PGS1: variants seen among roughly 807,000 people sequenced by gnomAD.
The protein encoded by PGS1 is phosphatidylglycerophosphate synthase 1.
A neutral mutation model predicts 58.3 loss-of-function variants in PGS1; 44 were observed. The observed-to-expected ratio is 0.75, with a 90% CI of 0.59 to 0.97. PGS1 has a LOEUF of 0.97. PGS1 is among the 50% of genes least tolerant of loss of function. The pLI is 0.00. For synonymous variants in PGS1, 330 were observed against 311.0 expected (o/e 1.06, Z -0.64); for missense variants, 684 against 731.1 (o/e 0.94, Z 0.74).
Position 78,411,902 on chromosome 17 carries a change from C to CATT in PGS1, c.1403-2977_1403-2976insATT, listed in dbSNP as rs2084739777. On this transcript the variant is annotated intron_variant, in intron 7 of 9. Coordinates refer to ENST00000262764, the MANE Select transcript of PGS1 (RefSeq NM_024419.5). Reference sequence around the variant, plus strand: ...ATGAAACAGAACTAAAGGGCTCCTGCTTTTTTTTTTTTTTTTTTTTTTTTT... The same window carrying CATT: ...ATGAAACAGAACTAAAGGGCTCCTGCATTTTTTTTTTTTTTTTTTTTTTTTTTT... 5.2e-5 allele frequency among the ~76,000 whole-genome samples: 3 copies of CATT among 57,986 alleles called. No homozygotes were observed. The Admixed American group carries it at 9.0e-4, about 17-fold the overall frequency. The allele number at this position is 57,986 out of a possible 152,430, so 38.0% of individuals were successfully genotyped here.
At chr17:78,396,834 G>A (rs541105721) in intron 3 of PGS1, among the ~76,000 whole-genome samples, 3 of 152,220 alleles carry the variant, frequency 2.0e-5, no homozygotes, top group South Asian at 4.1e-4. Flanking sequence ...ACTTTTGTTG[G>A]AACACAGCCA....
In PGS1 at chr17:78,400,624, C is replaced by G; in HGVS notation, c.702-53C>G. On this transcript the variant is annotated intron_variant, in intron 5 of 9. Coordinates refer to ENST00000262764, the MANE Select transcript of PGS1 (RefSeq NM_024419.5). The surrounding 1 kb of genome is among the most constrained non-coding windows in gnomAD (Gnocchi z 4.4). Reference sequence around the variant, plus strand: ...CTGAGACCTGGGTCACCAGGACACGCTGCTGCATACCCTTGCCTGAGTCCT... The same window carrying G: ...CTGAGACCTGGGTCACCAGGACACGGTGCTGCATACCCTTGCCTGAGTCCT... 1.9e-6 allele frequency: 3 copies of G among 1,541,206 alleles called. No homozygotes were observed. The highest frequency in any genetic ancestry group is 1.1e-5 in the South Asian group (1 of 88,840).
intron 3 of PGS1, among the ~76,000 whole-genome samples, chr17:78,397,394 G>GAGACGGGCCCATTGCCCAGAGTTAGT (rs1407880680): frequency 1.0e-5 from 1 of 96,882 alleles, no homozygotes; most frequent in Non-Finnish European, 2.5e-5. Flanking sequence ...GAGGTGCAGT[G>GAGACGGGCCCATTGCCCAGAGTTAGT]GGTTCACACC....
intron 2 of PGS1, among the ~76,000 whole-genome samples, chr17:78,394,859 G>T (rs1421011650): frequency 6.6e-6 from 1 of 152,194 alleles, no homozygotes; most frequent in African/African-American, 2.4e-5. Flanking sequence ...CCAGCCTGAA[G>T]AAACAGGTTT....
intron 8 of PGS1, among the ~76,000 whole-genome samples, chr17:78,417,984 C>CAG (rs1326364056): frequency 1.4e-5 from 2 of 146,752 alleles, no homozygotes; most frequent in Non-Finnish European, 3.0e-5. Flanking sequence ...GGCTGGAGTG[C>CAG]AGTGGCACGA....
intron 3 of PGS1, among the ~76,000 whole-genome samples, chr17:78,397,682 A>C (rs1014635382): frequency 6.6e-6 from 1 of 151,780 alleles, no homozygotes; most frequent in Non-Finnish European, 1.5e-5. Context: ...TGATGTGCCC[A>C]CCTTGGCCTC....
Position 78,422,624 on chromosome 17 carries a change from A to C in PGS1, c.*11-1437A>C, listed in dbSNP as rs566258308. 5.6e-3 allele frequency among the ~76,000 whole-genome samples: 777 copies of C among 139,288 alleles called. 7 individuals are homozygous for C. The highest frequency in any genetic ancestry group is 6.5e-3 in the Non-Finnish European group (400 of 61,726). The allele number at this position is 139,288 out of a possible 152,430, so 91.4% of individuals were successfully genotyped here. On this transcript the variant is annotated intron_variant, in intron 9 of 9. Transcript: ENST00000262764. ...GCGACCCTCCTGCCTCAGCCTCCTG[A>C]GTAGCTGGGACCACAGGCACATACA...
At chr17:78,382,675 C>T (rs994171971) in intron 1 of PGS1, 4 of 135,482 alleles carry the variant, frequency 3.0e-5, no homozygotes, top group African/African-American at 1.1e-4. Flanking sequence ...TGGAGTCCCA[C>T]TCTGTCGCCC....
Position 78,404,048 on chromosome 17 carries a change from T to C in PGS1, c.1361T>C (p.Leu454Pro). 1 of 1,606,292 alleles carries C rather than the reference T, an allele frequency of 6.2e-7. No homozygotes were observed. Residue 454 changes from leucine to proline, a missense_variant, in exon 7 of 10, where the codon CTT becomes CCT. Leu to Pro is a moderately conservative substitution (Grantham distance 98, BLOSUM62 -3). Transcript: ENST00000262764. The part of the protein sequence containing the change: ...CSLGQQERVQ[L>P]QEYWRRGWTF... Reference sequence around the variant, plus strand: ...CTGGGACAGCAGGAGCGGGTCCAGCTTCAGGAGTACTGGCGGAGGGGCTGG... The same window carrying C: ...CTGGGACAGCAGGAGCGGGTCCAGCCTCAGGAGTACTGGCGGAGGGGCTGG...
At position 78,399,553 on chromosome 17, in the gene PGS1, C is replaced by T. The variant is rs2292641; in HGVS notation, c.701+16C>T. The T allele has an allele frequency of 0.15, 234,956 of 1,612,154 alleles. 18,373 individuals are homozygous for T. The highest frequency in any genetic ancestry group is 0.26 in the East Asian group (11,530 of 44,860). ...TCTTGAGCGGGTGAGTGCTTCCCACCGTCAGTGCTTTTGCCCTCCTGCTCT... is the reference window on the plus strand; with the variant it reads ...TCTTGAGCGGGTGAGTGCTTCCCACTGTCAGTGCTTTTGCCCTCCTGCTCT... On this transcript the variant is annotated intron_variant, in intron 5 of 9. Coordinates refer to ENST00000262764, the MANE Select transcript of PGS1 (RefSeq NM_024419.5).
In PGS1 at chr17:78,408,730, G is replaced by A. The variant is rs368726089; in HGVS notation, c.1402+4641G>A. The stretch of plus-strand genomic sequence containing the variant: ...CATCGCCTTGGCTTTGGGAGGTGGG[G>A]CTGAGTGGGCATCTGGGTTGGATCT... On this transcript the variant is annotated intron_variant, in intron 7 of 9. Transcript: ENST00000262764. Among the ~76,000 whole-genome samples the A allele has an allele frequency of 5.9e-5, 9 of 152,332 alleles. 1 individual carries two copies. Among genetic ancestry groups the A allele is most frequent in the East Asian group, 5.8e-4 (3 of 5,188 alleles).
At chr17:78,419,780 C>A in intron 9 of PGS1, 105 bp downstream of exon 9, 2 of 1,557,684 alleles carry the variant, frequency 1.3e-6, no homozygotes, top group South Asian at 1.1e-5. Context: ...CTCTTTGATC[C>A]CTTTCTCAGT....
At chr17:78,398,102 C>G in intron 3 of PGS1, 150 bp from the exon 4 acceptor site, 1 of 736,288 alleles carries the variant, frequency 1.4e-6, no homozygotes. Flanking sequence ...AGACAGATAG[C>G]TTTTGTGGTG....
At position 78,378,713 on chromosome 17, in the gene PGS1, A is replaced by G. The variant is rs1041232763; in HGVS notation, c.48A>G (p.Arg16=). 9 of 1,519,968 alleles carry G rather than the reference A, an allele frequency of 5.9e-6. No individual in the cohort carries two copies. The African/African-American group carries it at 1.3e-4, about 22-fold the overall frequency. The allele number at this position is 1,519,968 out of a possible 1,614,324, so 94.2% of individuals were successfully genotyped here. A position where few individuals can be genotyped will look rare whatever the true frequency, so the allele number is the denominator to read the frequency against. ...AAAAGPVFWR[R]LLGLLPGRPG... ...CGGCGGGACCCGTGTTCTGGAGGCGACTGCTGGGCCTCCTGCCTGGCCGCC... is the reference window on the plus strand; with the variant it reads ...CGGCGGGACCCGTGTTCTGGAGGCGGCTGCTGGGCCTCCTGCCTGGCCGCC... The change falls in exon 1 of 10, where the codon CGA becomes CGG. Residue 16 remains arginine (R), a synonymous_variant. Coordinates refer to ENST00000262764, the MANE Select transcript of PGS1 (RefSeq NM_024419.5).
At chr17:78,418,596 CA>C (rs1489732244) in intron 8 of PGS1, among the ~76,000 whole-genome samples, 4 of 152,192 alleles carry the variant, frequency 2.6e-5, no homozygotes, top group African/African-American at 9.7e-5. Flanking sequence ...GACTGTTGGA[CA>C]TTTAGGTGGT....
intron 1 of PGS1, among the ~76,000 whole-genome samples, chr17:78,381,467 T>C (rs1392750143): frequency 1.3e-5 from 2 of 152,208 alleles, no homozygotes; most frequent in Admixed American, 1.3e-4. Context: ...TTGCAGTTCT[T>C]TTCTGATTCG....
At chr17:78,407,019 G>A (rs1598344360) in intron 7 of PGS1, among the ~76,000 whole-genome samples, 1 of 152,196 alleles carries the variant, frequency 6.6e-6, no homozygotes, top group Non-Finnish European at 1.5e-5. Flanking sequence ...GCCTTTTCCC[G>A]GACTGATGTG....
At position 78,378,811 on chromosome 17, in the gene PGS1, G is replaced by GCGCCAGCGC; in HGVS notation, c.143+3_143+4insCGCCAGCGC. ...AACCGGGACCGCCAGCGCAGGAGGTGAGAGGGGCGGCCGGGATGAGAGTGC... is the reference window on the plus strand; with the variant it reads ...AACCGGGACCGCCAGCGCAGGAGGTGCGCCAGCGCAGAGGGGCGGCCGGGATGAGAGTGC... On this transcript the variant is annotated splice_donor_region_variant and intron_variant, in intron 1 of 9. Transcript: ENST00000262764. The GCGCCAGCGC allele has an allele frequency of 6.9e-7, 1 of 1,447,446 alleles. No homozygotes were observed. The highest frequency in any genetic ancestry group is 9.0e-7 in the Non-Finnish European group (1 of 1,108,160). 89.7% of individuals were successfully genotyped at this position (1,447,446 alleles called of 1,614,324 possible).
rs921643117 is a variant in PGS1 at position 78,423,420 on chromosome 17, G to A, written c.*11-641G>A. The stretch of plus-strand genomic sequence containing the variant: ...AGCAGGGAGTAATGGCGGATGAGAC[G>A]CTGTGTGGAGGCGGCAGCTCCTGGT... On this transcript the variant is annotated intron_variant, in intron 9 of 9. Coordinates refer to ENST00000262764, the MANE Select transcript of PGS1 (RefSeq NM_024419.5). Among the ~76,000 whole-genome samples, 12 of 152,282 alleles carry A rather than the reference G, an allele frequency of 7.9e-5. No homozygotes were observed. In the East Asian group the frequency reaches 9.6e-4, roughly 12 times the overall value.
Sources: gnomAD v4.1 joint callset for allele counts (sites outside exome capture counted in the v4.1 genomes callset) on GRCh38, gnomAD v4.1.1 for gene constraint, Gnocchi (gnomAD v3.1) non-coding constraint, MANE v1.5 for transcripts, NCBI Gene and HGNC (gene_info 2026-07-23, HGNC 2026-07-21) for gene names.